COL6A6: variants seen among roughly 807,000 people sequenced by gnomAD.
COL6A6 encodes collagen type VI alpha 6 chain.
In COL6A6, 183 loss-of-function variants were observed where a neutral mutation model predicts 208.6. The observed-to-expected ratio is 0.88, with a 90% CI of 0.78 to 0.99. The LOEUF is 0.99. COL6A6 is among the 50% of genes least tolerant of loss of function. The pLI is 0.00. For synonymous variants in COL6A6, 973 were observed against 1,011.8 expected (o/e 0.96, Z 0.73); for missense variants, 2,816 against 2,815.2 (o/e 1.00, Z -0.01).
chr3:130,661,888 C>G lies in COL6A6; in HGVS notation c.6082C>G (p.Pro2028Ala). Residue 2028 changes from proline (P) to alanine (A), a missense_variant, in exon 35 of 37, where the codon CCA becomes GCA. Transcript: ENST00000358511. ...CTTCCTACCCAACACTCAGAAGAGTCCAGTTAGAGCTGAGTTCAATCTTAC... is the reference window on the plus strand; with the variant it reads ...CTTCCTACCCAACACTCAGAAGAGTGCAGTTAGAGCTGAGTTCAATCTTAC... ...PDFLPNTQKS[P>A]VRAEFNLTTY... The G allele has an allele frequency of 6.2e-7, 1 of 1,613,956 alleles. No individual in the cohort carries two copies. The highest frequency in any genetic ancestry group is 8.5e-7 in the Non-Finnish European group (1 of 1,179,872).
intron 20 of COL6A6, among the ~76,000 whole-genome samples, chr3:130,606,385 ATTCT>A (rs199886569): frequency 0.02 from 3,058 of 152,218 alleles, 51 homozygotes; most frequent in Middle Eastern, 0.044. Flanking sequence ...GTTTGAGATA[ATTCT>A]TTCATTTTTC....
At chr3:130,660,573 A>C (rs1159295995) in intron 34 of COL6A6, among the ~76,000 whole-genome samples, 1 of 152,170 alleles carries the variant, frequency 6.6e-6, no homozygotes, top group Non-Finnish European at 1.5e-5. Context: ...ACCATCAACT[A>C]CTATTGAAAA....
chr3:130,552,336 C>G (rs9864130), intron 1 of COL6A6, among the ~76,000 whole-genome samples: 5 of 152,112 alleles, frequency 3.3e-5, no homozygotes, highest in African/African-American at 2.4e-5. Context: ...GGGTGCATAC[C>G]TATTTAGGAT....
chr3:130,606,996 T>A, intron 21 of COL6A6, 30 bp downstream of exon 21: 1 of 1,554,210 alleles, frequency 6.4e-7, no homozygotes, highest in Non-Finnish European at 8.8e-7. Context: ...TAACTCCAAA[T>A]AACAAATACT....
intron 6 of COL6A6, 37 bp downstream of exon 6, chr3:130,568,641 AC>A: frequency 3.4e-6 from 5 of 1,483,414 alleles, no homozygotes; most frequent in Non-Finnish European, 3.6e-6. Flanking sequence ...GACTATCCGA[AC>A]AACAGATGTC....
At chr3:130,571,515 A>G (rs1445794014) in intron 7 of COL6A6, 122 bp downstream of exon 7, 1 of 663,010 alleles carries the variant, frequency 1.5e-6, no homozygotes, top group Non-Finnish European at 2.5e-6. Flanking sequence ...TAATTGTTTC[A>G]TAGGACTTTC....
At chr3:130,626,457 A>C (rs2064888386) in intron 24 of COL6A6, 28 bp from the exon 25 acceptor site, 1 of 1,565,530 alleles carries the variant, frequency 6.4e-7, no homozygotes, top group Non-Finnish European at 8.8e-7. Flanking sequence ...CCAATTTCCA[A>C]CCTAAAAACA....
Position 130,662,220 on chromosome 3 carries a change from TC to T in COL6A6, c.6415del (p.His2139ThrfsTer18). The stretch of plus-strand genomic sequence containing the variant: ...AGGATCTCGCCAGCCACCCTTTGGA[TC>T]ACCACCTGGTCCAGCTTGGCCGAAT... ...LEDLASHPLD[H>X]HLVQLGRIHK... On this transcript the variant is annotated frameshift_variant, in exon 35 of 37. Coordinates refer to ENST00000358511, the MANE Select transcript of COL6A6 (RefSeq NM_001102608.3). LOFTEE classifies it high-confidence loss of function. 1 of 1,614,012 alleles carries T rather than the reference TC, an allele frequency of 6.2e-7. No individual in the cohort carries two copies. The highest frequency in any genetic ancestry group is 8.5e-7 in the Non-Finnish European group (1 of 1,179,886).
chr3:130,548,178 C>G (rs558536177), intron 1 of COL6A6, among the ~76,000 whole-genome samples: 89 of 152,338 alleles, frequency 5.8e-4, no homozygotes, highest in African/African-American at 2.1e-3. Flanking sequence ...TATGTCTTCT[C>G]AAACTTTTTT....
chr3:130,617,365 G>C (rs1023399344), intron 23 of COL6A6, among the ~76,000 whole-genome samples: 1 of 152,214 alleles, frequency 6.6e-6, no homozygotes, highest in Non-Finnish European at 1.5e-5. Context: ...ATGTGGTAAA[G>C]AATGGAGTTA....
intron 18 of COL6A6, among the ~76,000 whole-genome samples, chr3:130,595,429 G>A (rs960760845): frequency 5.9e-5 from 9 of 152,124 alleles, no homozygotes; most frequent in African/African-American, 1.9e-4. Context: ...TAAAGAAATA[G>A]AACATTACCA....
chr3:130,598,383 A>G lies in COL6A6; in HGVS notation c.4552A>G (p.Ser1518Gly), dbSNP rs1255858301. Reference protein sequence around the residue: ...RGDPGAPGVDSSIEGPTGLKG... With the variant: ...RGDPGAPGVDGSIEGPTGLKG... ...TTTTTAGGGAGCTCCTGGAGTTGACAGTAGCATAGAAGGACCCACAGGCTT... is the reference window on the plus strand; with the variant it reads ...TTTTTAGGGAGCTCCTGGAGTTGACGGTAGCATAGAAGGACCCACAGGCTT... Residue 1518 changes from serine to glycine, a missense_variant, in exon 19 of 37, where the codon AGT (serine) becomes GGT (glycine). Coordinates refer to ENST00000358511, the MANE Select transcript of COL6A6 (RefSeq NM_001102608.3). 1.3e-6 allele frequency: 2 copies of G among 1,550,252 alleles called. No individual in the cohort carries two copies. The highest frequency in any genetic ancestry group is 2.4e-5 in the East Asian group (1 of 40,972).
rs2065502194 is a variant in COL6A6 at position 130,647,729 on chromosome 3, G to A, written c.5240-1340G>A. On this transcript the variant is annotated intron_variant, in intron 32 of 36. Transcript: ENST00000358511. The stretch of plus-strand genomic sequence containing the variant: ...CCTACGTGAGCCCCAGCAAGTCTGA[G>A]TTCCTGAGCTTGTTGTAAAGCAAGA... Among the ~76,000 whole-genome samples the A allele has an allele frequency of 2.0e-5, 3 of 152,226 alleles. No individual in the cohort carries two copies. In the South Asian group the frequency reaches 6.2e-4, roughly 32 times the overall value.
In COL6A6 at chr3:130,592,566, T is replaced by C. The variant is rs2108080380; in HGVS notation, c.4298T>C (p.Val1433Ala). 6.2e-7 allele frequency: 1 copy of C among 1,610,290 alleles called. No homozygotes were observed. Among genetic ancestry groups the C allele is most frequent in the Admixed American group, 1.7e-5 (1 of 59,402 alleles). ...IAGERGAPGPVGEQGTKGCYG... is the reference protein window; with the variant it reads ...IAGERGAPGPAGEQGTKGCYG... Reference sequence around the variant, plus strand: ...GGAGAAAGAGGAGCCCCTGGACCAGTGGGAGAGCAAGGTACTAAGGGATGC... The same window carrying C: ...GGAGAAAGAGGAGCCCCTGGACCAGCGGGAGAGCAAGGTACTAAGGGATGC... The change falls in exon 14 of 37, where the codon GTG (valine) becomes GCG (alanine). Residue 1433 changes from valine (V) to alanine (A), a missense_variant. Physicochemically the swap from Val to Ala is moderately conservative, Grantham distance 64. Coordinates refer to ENST00000358511, the MANE Select transcript of COL6A6 (RefSeq NM_001102608.3).
At chr3:130,574,563 C>T (rs1361159061) in intron 8 of COL6A6, 38 bp downstream of exon 8, 2 of 1,524,966 alleles carry the variant, frequency 1.3e-6, no homozygotes, top group South Asian at 1.2e-5. Context: ...ATTCCCTACA[C>T]CATCTTCTCT....
At chr3:130,568,008 T>G in intron 5 of COL6A6, 39 bp from the exon 6 acceptor site, 1 of 1,519,592 alleles carries the variant, frequency 6.6e-7, no homozygotes, top group Non-Finnish European at 8.9e-7. Flanking sequence ...TTTTTACATG[T>G]AGCTGACTTG....
chr3:130,661,855 C>A lies in COL6A6; in HGVS notation c.6049C>A (p.Pro2017Thr). The change falls in exon 35 of 37, where the codon CCC (proline) becomes ACC (threonine). Residue 2017 changes from proline (P) to threonine (T), a missense_variant. Coordinates refer to ENST00000358511, the MANE Select transcript of COL6A6 (RefSeq NM_001102608.3). ...GDRVALLSHAPPDFLPNTQKS... is the reference protein window; with the variant it reads ...GDRVALLSHATPDFLPNTQKS... Reference sequence around the variant, plus strand: ...CCGGGTGGCCCTATTGAGCCATGCTCCCCCCGACTTCCTACCCAACACTCA... The same window carrying A: ...CCGGGTGGCCCTATTGAGCCATGCTACCCCCGACTTCCTACCCAACACTCA... 6.2e-7 allele frequency: 1 copy of A among 1,613,730 alleles called. No homozygotes were observed. Among genetic ancestry groups the A allele is most frequent in the Non-Finnish European group, 8.5e-7 (1 of 1,179,774 alleles).
chr3:130,574,384 G>A lies in COL6A6; in HGVS notation c.3406G>A (p.Gly1136Ser). Reference protein sequence around the residue: ...RHRGIDIYSVGIGDVDDQQLI... With the variant: ...RHRGIDIYSVSIGDVDDQQLI... ...CAGAGGTATCGACATCTACTCCGTG[G>A]GCATTGGGGATGTGGATGACCAGCA... The change falls in exon 8 of 37, where the codon GGC (glycine) becomes AGC (serine). Residue 1136 changes from glycine to serine, a missense_variant. Gly to Ser is a moderately conservative substitution (Grantham distance 56, BLOSUM62 0). Coordinates refer to ENST00000358511, the MANE Select transcript of COL6A6 (RefSeq NM_001102608.3). 6.2e-7 allele frequency: 1 copy of A among 1,614,038 alleles called. No individual in the cohort carries two copies. The highest frequency in any genetic ancestry group is 1.1e-5 in the South Asian group (1 of 91,086).
chr3:130,593,097 G>A lies in COL6A6; in HGVS notation c.4408G>A (p.Gly1470Arg), dbSNP rs568030356. Residue 1470 changes from glycine (G) to arginine (R), a missense_variant, in exon 16 of 37, where the codon GGA becomes AGA. By Grantham distance (125) the Gly-to-Arg change is moderately radical. Coordinates refer to ENST00000358511, the MANE Select transcript of COL6A6 (RefSeq NM_001102608.3). The part of the protein sequence containing the change: ...VGENGIDGLN[G>R]EQGDNGLPGR... ...GGAAAATGGAATTGACGGATTAAAC[G>A]GAGAACAGGTAGAGCCTTCTTGTAC... 1.4e-5 allele frequency: 23 copies of A among 1,613,588 alleles called. No individual in the cohort carries two copies. Among genetic ancestry groups the A allele is most frequent in the South Asian group, 9.9e-5 (9 of 91,070 alleles).
Sources: allele counts gnomAD v4.1 joint callset (sites outside exome capture counted in the v4.1 genomes callset), GRCh38; gene constraint gnomAD v4.1.1; transcripts MANE v1.5; gene names NCBI Gene and HGNC (gene_info 2026-07-23, HGNC 2026-07-21).